LOXHD1: variants seen among roughly 807,000 people sequenced by gnomAD.
The protein encoded by LOXHD1 is lipoxygenase homology domain-containing protein 1.
A neutral mutation model predicts 248.2 loss-of-function variants in LOXHD1; 205 were observed. That is an observed-to-expected ratio of 0.83 (90% CI 0.74 to 0.93). The LOEUF (loss-of-function observed/expected upper bound fraction) is 0.93, where lower values mean the gene tolerates loss of function less well. LOXHD1 is among the 40% of genes least tolerant of loss of function. The probability of loss-of-function intolerance (pLI) is 0.00; values close to 1 mark genes in which losing one functional copy is unlikely to be tolerated. For missense variants in LOXHD1, 2,930 were observed against 2,971.6 expected (o/e 0.99, Z 0.33); for synonymous variants, 1,113 against 1,162.8 (o/e 0.96, Z 0.87).
At chr18:46,489,181 G>A (rs550490974) in intron 37 of LOXHD1, 39 bp from the exon 38 acceptor site, 8 of 1,547,158 alleles carry the variant, frequency 5.2e-6, no homozygotes, top group South Asian at 2.4e-5. Flanking sequence ...AGCTGGATGT[G>A]CCTTCCCTCC....
intron 37 of LOXHD1, among the ~76,000 whole-genome samples, chr18:46,504,353 A>G (rs1246142091): frequency 6.6e-6 from 1 of 152,142 alleles, no homozygotes; most frequent in Non-Finnish European, 1.5e-5. Flanking sequence ...TGATCTGCCT[A>G]CCTCAGCCTC....
At chr18:46,555,305 A>G (rs1010848107) in intron 21 of LOXHD1, 3 of 420,302 alleles carry the variant, frequency 7.1e-6, no homozygotes, top group African/African-American at 6.2e-5. Context: ...TAAAGATGGC[A>G]TGACTTGTCC....
At chr18:46,608,489 T>C (rs1286670371) in intron 6 of LOXHD1, among the ~76,000 whole-genome samples, 1 of 152,198 alleles carries the variant, frequency 6.6e-6, no homozygotes, top group Non-Finnish European at 1.5e-5. Context: ...CTTGTGTTTT[T>C]ACTCTGCTGT....
intron 14 of LOXHD1, among the ~76,000 whole-genome samples, chr18:46,572,705 G>A (rs2037777007): frequency 6.6e-6 from 1 of 152,138 alleles, no homozygotes; most frequent in Admixed American, 6.5e-5. Context: ...GGGCTCTGGG[G>A]TGGGGAGATG....
chr18:46,562,949 G>C, intron 18 of LOXHD1, 116 bp downstream of exon 18: 1 of 1,251,126 alleles, frequency 8.0e-7, no homozygotes, highest in East Asian at 2.6e-5. Flanking sequence ...CACCCAACTG[G>C]AGGGAGGCAG....
At chr18:46,646,596 C>T (rs147267639) in intron 2 of LOXHD1, among the ~76,000 whole-genome samples, 2 of 152,304 alleles carry the variant, frequency 1.3e-5, no homozygotes, top group African/African-American at 2.4e-5. Flanking sequence ...GCCTTCCAGA[C>T]CTTTCTGACT....
chr18:46,538,233 G>C lies in LOXHD1; in HGVS notation c.4018C>G (p.Gln1340Glu), dbSNP rs1426136470. The C allele has an allele frequency of 6.4e-7, 1 of 1,550,482 alleles. No individual in the cohort carries two copies. The highest frequency in any genetic ancestry group is 8.7e-7 in the Non-Finnish European group (1 of 1,145,944). The change falls in exon 26 of 41, where the codon CAG becomes GAG. Residue 1340 changes from glutamine (Q) to glutamate (E), a missense_variant. Gln to Glu is a conservative substitution (Grantham distance 29, BLOSUM62 2). Transcript: ENST00000642948. ...CTCTTGTTGGTACACAGATACTTCT[G>C]CTGGGTGCACACGGCATCGCAGCCA... ...IYGCDAVCTQ[Q>E]KYLCTNKREQ...
chr18:46,519,183 A>C, intron 33 of LOXHD1: 24 of 794,506 alleles, frequency 3.0e-5, no homozygotes, highest in Non-Finnish European at 3.1e-5. Context: ...CCCTGGACTC[A>C]CAGTGAAGTC....
At chr18:46,644,419 G>A (rs748411952) in intron 2 of LOXHD1, among the ~76,000 whole-genome samples, 15 of 152,320 alleles carry the variant, frequency 9.8e-5, no homozygotes, top group Middle Eastern at 3.4e-3. Flanking sequence ...CACCCATGAC[G>A]GTATCATTTA....
Position 46,559,534 on chromosome 18 carries a change from G to C in LOXHD1, c.3130C>G (p.Leu1044Val). The change falls in exon 20 of 41, where the codon CTA becomes GTA. Residue 1044 changes from leucine (L) to valine (V), a missense_variant. Physicochemically the swap from Leu to Val is conservative, Grantham distance 32. Transcript: ENST00000642948. ...CCATACTCCTCGCCGTAGATGGTTA[G>C]GTAGACGTTAGCATCAGTGCCGGCC... The part of the protein sequence containing the change: ...PKAGTDANVY[L>V]TIYGEEYGDT... 1 of 1,552,004 alleles carries C rather than the reference G, an allele frequency of 6.4e-7. No homozygotes were observed. Among genetic ancestry groups the C allele is most frequent in the Non-Finnish European group, 8.7e-7 (1 of 1,147,062 alleles).
intron 2 of LOXHD1, 78 bp from the exon 3 acceptor site, chr18:46,642,114 C>G: frequency 7.8e-7 from 1 of 1,280,882 alleles, no homozygotes; most frequent in Admixed American, 2.0e-5. Flanking sequence ...GCTGGCATTC[C>G]GCTTCTTCCT....
intron 6 of LOXHD1, among the ~76,000 whole-genome samples, chr18:46,608,149 T>C (rs1488668813): frequency 6.6e-6 from 1 of 151,854 alleles, no homozygotes; most frequent in Non-Finnish European, 1.5e-5. Context: ...TTTGAATTAA[T>C]ATAAAGAAAA....
At chr18:46,538,375 G>A in intron 25 of LOXHD1, 38 bp from the exon 26 acceptor site, 2 of 1,525,780 alleles carry the variant, frequency 1.3e-6, no homozygotes, top group Non-Finnish European at 1.8e-6. Flanking sequence ...CAGAGTGGAT[G>A]AGAGAACAGA....
At chr18:46,598,654 A>T (rs951254701) in intron 8 of LOXHD1, among the ~76,000 whole-genome samples, 5 of 152,158 alleles carry the variant, frequency 3.3e-5, no homozygotes, top group Non-Finnish European at 7.4e-5. Context: ...CTATTTCTAT[A>T]TCAGCAACTA....
rs1376795625 is a variant in LOXHD1, at chr18:46,594,561, A to G, written c.1135-95T>C. On this transcript the variant is annotated intron_variant, in intron 8 of 40. Coordinates refer to ENST00000642948, the MANE Select transcript of LOXHD1 (RefSeq NM_001384474.1). ...GGCTCCCAGCCCCACATTTAGAGACATCTGTATTAGGACTCTCAAGGAATG... is the reference window on the plus strand; with the variant it reads ...GGCTCCCAGCCCCACATTTAGAGACGTCTGTATTAGGACTCTCAAGGAATG... 7.7e-6 allele frequency: 11 copies of G among 1,432,118 alleles called. No homozygotes were observed. In the East Asian group the frequency reaches 1.5e-4, roughly 19 times the overall value. 88.7% of individuals were successfully genotyped at this position (1,432,118 alleles called of 1,614,324 possible). A position where few individuals can be genotyped will look rare whatever the true frequency, so the allele number is the denominator to read the frequency against.
intron 13 of LOXHD1, among the ~76,000 whole-genome samples, chr18:46,578,806 C>T (rs562037450): frequency 1.2e-4 from 19 of 152,370 alleles, no homozygotes; most frequent in Non-Finnish European, 2.5e-4. Flanking sequence ...ACCTCAGAGA[C>T]GGTACATCCA....
chr18:46,594,183 G>A, intron 9 of LOXHD1, 148 bp downstream of exon 9: 1 of 996,788 alleles, frequency 1.0e-6, no homozygotes, highest in South Asian at 1.7e-5. Context: ...CTGCTTGGCG[G>A]GGTTGGGGGA....
Position 46,560,202 on chromosome 18 carries a change from G to A in LOXHD1, c.2942C>T (p.Pro981Leu), listed in dbSNP as rs575422198. 1.3e-5 allele frequency: 20 copies of A among 1,551,672 alleles called. No homozygotes were observed. The highest frequency in any genetic ancestry group is 4.9e-5 in the East Asian group (2 of 40,892). Residue 981 changes from proline to leucine, a missense_variant, in exon 19 of 41, where the codon CCG becomes CTG. Coordinates refer to ENST00000642948, the MANE Select transcript of LOXHD1 (RefSeq NM_001384474.1). ...EEEEEEEEFG[P>L]GMQEVIEQHK... ...CTGCTCAATCACCTCCTGCATCCCC[G>A]GCCCAAACTCCTCCTCTTCCTCCTC...
At chr18:46,592,285 C>CA (rs1568206310) in intron 11 of LOXHD1, among the ~76,000 whole-genome samples, 1 of 152,014 alleles carries the variant, frequency 6.6e-6, no homozygotes. Context: ...GCAAGCCCCC[C>CA]AAACACCTGA....
Sources: gnomAD v4.1 joint callset for allele counts (sites outside exome capture counted in the v4.1 genomes callset) on GRCh38, gnomAD v4.1.1 for gene constraint, MANE v1.5 for transcripts, NCBI Gene and HGNC (gene_info 2026-07-23, HGNC 2026-07-21) for gene names.